Variants in RAD51B observed in about 807,000 individuals in gnomAD.
RAD51B encodes the protein DNA repair protein RAD51 homolog 2.
A neutral mutation model predicts 42.2 loss-of-function variants in RAD51B; 38 were observed. The ratio of observed to expected loss-of-function variants is 0.90; its 90% CI spans 0.70 to 1.18. The LOEUF (loss-of-function observed/expected upper bound fraction) is 1.18, where lower values mean the gene tolerates loss of function less well. RAD51B is among the 50% of genes most tolerant of loss of function. The probability of loss-of-function intolerance (pLI) is 0.00; values close to 1 mark genes in which losing one functional copy is unlikely to be tolerated. For synonymous variants in RAD51B, 154 were observed against 145.2 expected, an observed-to-expected ratio of 1.06 and a Z score of -0.43; for missense variants, 373 against 400.7, an observed-to-expected ratio of 0.93 and a Z score of 0.59.
At chr14:68,088,523 G>T (rs1395224751) in intron 7 of RAD51B, among the ~76,000 whole-genome samples, 1 of 150,940 alleles carries the variant, frequency 6.6e-6, no homozygotes, top group Non-Finnish European at 1.5e-5. Flanking sequence ...ACTTTCTCAT[G>T]TTGCAGCATT....
At chr14:68,428,021 T>G (rs1446711616) in intron 9 of RAD51B, among the ~76,000 whole-genome samples, 1 of 152,182 alleles carries the variant, frequency 6.6e-6, no homozygotes, top group African/African-American at 2.4e-5. Flanking sequence ...TTATAAAAAT[T>G]TGAGTTTTGT....
At chr14:67,820,373 A>T (rs553648905) in intron 1 of RAD51B, among the ~76,000 whole-genome samples, 1 of 152,314 alleles carries the variant, frequency 6.6e-6, no homozygotes, top group Admixed American at 6.5e-5. Flanking sequence ...ACAGTGTGGC[A>T]CGTAATAAGG....
chr14:67,896,180 T>G (rs1480212128), intron 7 of RAD51B, among the ~76,000 whole-genome samples: 1 of 152,244 alleles, frequency 6.6e-6, no homozygotes, highest in East Asian at 1.9e-4. Flanking sequence ...TAGAATGATG[T>G]ATCACACTTT....
intron 7 of RAD51B, among the ~76,000 whole-genome samples, chr14:68,029,941 C>T (rs887753112): frequency 6.6e-6 from 1 of 152,218 alleles, no homozygotes; most frequent in Admixed American, 6.5e-5. Context: ...TGGTACATCT[C>T]TATTAGAGCT....
chr14:68,521,775 T>C (rs1288190995), intron 10 of RAD51B, among the ~76,000 whole-genome samples: 1 of 152,178 alleles, frequency 6.6e-6, no homozygotes, highest in Non-Finnish European at 1.5e-5. Context: ...CTTGAAAACC[T>C]CCAGAATTTT....
At chr14:67,821,751 C>G (rs377141282) in intron 1 of RAD51B, among the ~76,000 whole-genome samples, 91 of 152,158 alleles carry the variant, frequency 6.0e-4, no homozygotes, top group South Asian at 4.0e-3. Flanking sequence ...CGTGAGCTAC[C>G]TTGTGTGGCC....
chr14:68,165,000 G>T (rs995091120), intron 7 of RAD51B, among the ~76,000 whole-genome samples: 1 of 152,118 alleles, frequency 6.6e-6, no homozygotes, highest in Non-Finnish European at 1.5e-5. Flanking sequence ...AGACACTCAC[G>T]TATTTGTCTT....
chr14:68,542,543 T>G (rs1466369927), intron 10 of RAD51B, among the ~76,000 whole-genome samples: 1 of 152,192 alleles, frequency 6.6e-6, no homozygotes, highest in African/African-American at 2.4e-5. Context: ...GAGTGAGGAC[T>G]GAGGACACCA....
At chr14:68,110,619 CATT>C (rs2077445345) in intron 7 of RAD51B, among the ~76,000 whole-genome samples, 1 of 152,032 alleles carries the variant, frequency 6.6e-6, no homozygotes, top group Admixed American at 6.6e-5. Flanking sequence ...ACCCTAATAA[CATT>C]ATTTAATCCG....
chr14:67,987,202 CTTAG>C (rs2075209735), intron 7 of RAD51B, among the ~76,000 whole-genome samples: 1 of 152,134 alleles, frequency 6.6e-6, no homozygotes, highest in African/African-American at 2.4e-5. Flanking sequence ...CAATTACAAT[CTTAG>C]TTATTTTGAA....
Position 67,887,171 on chromosome 14 carries a change from C to A in RAD51B, c.723C>A (p.Ser241=), listed in dbSNP as rs1463453458. 7 of 1,611,374 alleles carry A rather than the reference C, an allele frequency of 4.3e-6. No individual in the cohort carries two copies. In the South Asian group the frequency reaches 7.7e-5, roughly 18 times the overall value. Residue 241 remains serine (S), a synonymous_variant, in exon 7 of 11, where the codon TCC becomes TCA. Transcript: ENST00000471583. ...AGTTCTTGGCAAGAGAGGCATCCTC[C>A]TTGAAGTATTTGGCTGAGGAGTTTT... The part of the protein sequence containing the change: ...RNKFLAREAS[S]LKYLAEEFSI...
chr14:67,828,987 G>A (rs1480953466), intron 3 of RAD51B, among the ~76,000 whole-genome samples: 2 of 152,050 alleles, frequency 1.3e-5, no homozygotes, highest in Non-Finnish European at 2.9e-5. Context: ...GGTTTCATAT[G>A]AATTTTAAAA....
At position 68,610,839 on chromosome 14, in the gene RAD51B, G is replaced by A. The variant is rs556325125; in HGVS notation, c.1037-167G>A. On this transcript the variant is annotated intron_variant, in intron 10 of 10. Coordinates refer to the RAD51B transcript ENST00000487861. ...TTCCCTATTATAACCACATCTGAAT[G>A]TATATGTGTGTGTGTGTGTGTGTGT... is the stretch of plus-strand genomic sequence containing the variant. Among the ~76,000 whole-genome samples the A allele has an allele frequency of 2.1e-3, 222 of 106,234 alleles. 1 individual carries two copies. The highest frequency in any genetic ancestry group is 4.3e-3 in the Middle Eastern group (1 of 234). The allele number at this position is 106,234 out of a possible 152,430, so 69.7% of individuals were successfully genotyped here.
intron 10 of RAD51B, among the ~76,000 whole-genome samples, chr14:68,581,732 G>T (rs1245678847): frequency 1.3e-5 from 2 of 152,124 alleles, no homozygotes; most frequent in South Asian, 4.1e-4. Context: ...AAACCTGGAG[G>T]CATCACGCTA....
intron 7 of RAD51B, among the ~76,000 whole-genome samples, chr14:68,248,989 C>A (rs910867896): frequency 2.0e-5 from 3 of 152,238 alleles, no homozygotes; most frequent in Non-Finnish European, 4.4e-5. Context: ...CGAATGGCAC[C>A]AGGCCCTCTG....
intron 10 of RAD51B, among the ~76,000 whole-genome samples, chr14:68,508,499 A>T (rs79973694): frequency 0.048 from 7,269 of 152,250 alleles, 556 homozygotes; most frequent in African/African-American, 0.16. Context: ...ATTCTACGCA[A>T]GCCAGCGTGG....
intron 8 of RAD51B, among the ~76,000 whole-genome samples, chr14:68,338,509 C>T (rs949690321): frequency 6.6e-6 from 1 of 152,186 alleles, no homozygotes; most frequent in Non-Finnish European, 1.5e-5. Flanking sequence ...GAGAGAGGAT[C>T]TGATCAGTCT....
intron 7 of RAD51B, among the ~76,000 whole-genome samples, chr14:68,261,575 A>G (rs534308590): frequency 2.0e-5 from 3 of 152,274 alleles, no homozygotes; most frequent in South Asian, 2.1e-4. Flanking sequence ...TCATATTACT[A>G]TATACCCATA....
downstream of RAD51B, among the ~76,000 whole-genome samples, chr14:68,480,099 G>A (rs563605660): frequency 6.6e-5 from 10 of 152,228 alleles, no homozygotes; most frequent in South Asian, 1.2e-3. Flanking sequence ...TTGAGATGGA[G>A]TGTTGCTCTG....
Sources: gnomAD v4.1 joint callset for allele counts (sites outside exome capture counted in the v4.1 genomes callset) on GRCh38, gnomAD v4.1.1 for gene constraint, MANE v1.5 for transcripts, NCBI Gene and HGNC (gene_info 2026-07-23, HGNC 2026-07-21) for gene names.